The following PPM1A variants were observed in gnomAD, a reference collection of about 807,000 sequenced individuals.
The protein encoded by PPM1A is protein phosphatase 1A.
In PPM1A, 7 loss-of-function variants were observed where a neutral mutation model predicts 35.0. That is an observed-to-expected ratio of 0.20 (90% confidence interval 0.11 to 0.38). The LOEUF is 0.38. Ranked by LOEUF, PPM1A falls within the 10% of genes least tolerant of loss-of-function variation. The pLI is 1.00. For missense variants in PPM1A, 239 were observed against 467.8 expected (o/e 0.51, Z 4.51); for synonymous variants, 153 against 167.3 (o/e 0.91, Z 0.66).
intron 3 of PPM1A, chr14:60,287,693 C>T: frequency 1.0e-6 from 1 of 985,294 alleles, no homozygotes. Flanking sequence ...TCCAGCTCTC[C>T]TTTTCTCTTA....
upstream of PPM1A, among the ~76,000 whole-genome samples, chr14:60,248,410 C>G (rs1218348725): frequency 6.6e-6 from 1 of 152,216 alleles, no homozygotes; most frequent in Non-Finnish European, 1.5e-5. Flanking sequence ...GTGGAATCCC[C>G]TGAACTATAG....
At chr14:60,255,361 C>T (rs942529623) in intron 1 of PPM1A, among the ~76,000 whole-genome samples, 31 of 151,230 alleles carry the variant, frequency 2.0e-4, no homozygotes, top group South Asian at 1.9e-3. Context: ...TTAGTAGAGA[C>T]GGGGTTTCAC....
rs1888259140 is a variant in PPM1A, at chr14:60,298,885, A to ATATTTTG, written c.*6408_*6414dup. On this transcript the variant is annotated 3_prime_UTR_variant, in exon 6 of 6. Transcript: ENST00000395076. ...ACTTTTAAAGAAATTCCATAAATGT[A>ATATTTTG]TATTTTGTATTATGTATTATTTCCT... The ATATTTTG allele has an allele frequency of 6.6e-6, 1 of 151,888 alleles. No homozygotes were observed. The highest frequency in any genetic ancestry group is 1.5e-5 in the Non-Finnish European group (1 of 67,792). 9.4% of individuals were successfully genotyped at this position (151,888 alleles called of 1,614,324 possible).
Position 60,283,171 on chromosome 14 carries a change from A to G in PPM1A, c.468A>G (p.Lys156=), listed in dbSNP as rs1243017036. The change falls in exon 2 of 6, where the codon AAA becomes AAG. Residue 156 remains lysine, a synonymous_variant. Transcript: ENST00000395076. The surrounding 1 kb of genome is among the most constrained non-coding windows in gnomAD (Gnocchi z 6.3). The part of the protein sequence containing the change: ...DSRGLLCRNR[K]VHFFTQDHKP... ...GAGGTTTACTTTGTAGGAACAGGAA[A>G]GTTCATTTCTTCACACAAGATCACA... is the stretch of plus-strand genomic sequence containing the variant. 6.2e-7 allele frequency: 1 copy of G among 1,614,134 alleles called. No individual in the cohort carries two copies. The highest frequency in any genetic ancestry group is 1.3e-5 in the African/African-American group (1 of 74,938).
Position 60,283,492 on chromosome 14 carries a change from C to A in PPM1A, c.789C>A (p.Asp263Glu). Residue 263 changes from aspartate (D) to glutamate (E), a missense_variant, in exon 2 of 6, where the codon GAC becomes GAA. Coordinates refer to ENST00000395076, the MANE Select transcript of PPM1A (RefSeq NM_021003.5). This position sits in a 1 kb window ranked among gnomAD's most constrained non-coding sequence, Gnocchi z 6.3. ...GATCCAGACTTGAAGTCACTGATGACCTTGAGAAAGTTTGCAATGAAGTAG... is the reference window on the plus strand; with the variant it reads ...GATCCAGACTTGAAGTCACTGATGAACTTGAGAAAGTTTGCAATGAAGTAG... The part of the protein sequence containing the change: ...FVRSRLEVTD[D>E]LEKVCNEVVD... The A allele has an allele frequency of 6.2e-7, 1 of 1,613,554 alleles. No homozygotes were observed. The highest frequency in any genetic ancestry group is 8.5e-7 in the Non-Finnish European group (1 of 1,179,926).
chr14:60,282,550 C>A lies in PPM1A; in HGVS notation c.-20-134C>A. 1 of 1,141,648 alleles carries A rather than the reference C, an allele frequency of 8.8e-7. No homozygotes were observed. Among genetic ancestry groups the A allele is most frequent in the Non-Finnish European group, 1.2e-6 (1 of 821,188 alleles). 70.7% of individuals were successfully genotyped at this position (1,141,648 alleles called of 1,614,324 possible). Reference sequence around the variant, plus strand: ...CCTTGTTAATCTCCAGATTCCAAGTCAGCAACACAATGAATGTCTGCTTAT... The same window carrying A: ...CCTTGTTAATCTCCAGATTCCAAGTAAGCAACACAATGAATGTCTGCTTAT... On this transcript the variant is annotated intron_variant, in intron 1 of 5. Transcript: ENST00000395076. This position sits in a 1 kb window ranked among gnomAD's most constrained non-coding sequence, Gnocchi z 5.1.
At chr14:60,287,308 T>C (rs892725685) in intron 3 of PPM1A, 6 of 983,838 alleles carry the variant, frequency 6.1e-6, no homozygotes, top group Non-Finnish European at 7.2e-6. Context: ...AGAGTTTACA[T>C]TGATACTCAA....
chr14:60,249,609 A>AC lies in PPM1A; in HGVS notation c.-84dup, dbSNP rs1882079347. ...GGCTGCCGCCGTCGCCGCCGCGGTG[A>AC]CCCCCTCCCCGGCTGCCGCCGCCGC... On this transcript the variant is annotated 5_prime_UTR_variant, in exon 1 of 6. Coordinates refer to ENST00000395076, the MANE Select transcript of PPM1A (RefSeq NM_021003.5). This position sits in a 1 kb window ranked among gnomAD's most constrained non-coding sequence, Gnocchi z 4.5. 1.0e-6 allele frequency: 1 copy of AC among 982,806 alleles called. No individual in the cohort carries two copies. The highest frequency in any genetic ancestry group is 1.2e-6 in the Non-Finnish European group (1 of 830,422). 60.9% of individuals were successfully genotyped at this position (982,806 alleles called of 1,614,324 possible).
At position 60,277,127 on chromosome 14, in the gene PPM1A, A is replaced by G. The variant is rs191204562; in HGVS notation, c.-20-5557A>G. The G allele has an allele frequency of 1.5e-3, 1,326 of 903,764 alleles. 3 individuals carry two copies. The highest frequency in any genetic ancestry group is 1.8e-3 in the Non-Finnish European group (1,261 of 699,134). 56.0% of individuals were successfully genotyped at this position (903,764 alleles called of 1,614,324 possible). ...AAATTTCTCTCAGAAACTAACTAAA[A>G]ACTTTCATGGACAAATTGAATCCCC... On this transcript the variant is annotated intron_variant, in intron 1 of 5. Coordinates refer to ENST00000395076, the MANE Select transcript of PPM1A (RefSeq NM_021003.5).
At chr14:60,272,449 G>C (rs1337940152) in intron 1 of PPM1A, among the ~76,000 whole-genome samples, 1 of 152,172 alleles carries the variant, frequency 6.6e-6, no homozygotes, top group Non-Finnish European at 1.5e-5. Context: ...GCTCATGCCT[G>C]TAATTTCAGC....
intron 1 of PPM1A, among the ~76,000 whole-genome samples, chr14:60,278,081 A>G (rs550683950): frequency 7.2e-5 from 11 of 152,192 alleles, no homozygotes; most frequent in Non-Finnish European, 1.5e-4. Flanking sequence ...GTTAATACAT[A>G]TACAAAACTT....
At position 60,298,736 on chromosome 14, in the gene PPM1A, ATATT is replaced by A. The variant is rs565619606; in HGVS notation, c.*6255_*6258del. 2 of 151,846 alleles carry A rather than the reference ATATT, an allele frequency of 1.3e-5. No homozygotes were observed. Among genetic ancestry groups the A allele is most frequent in the African/African-American group, 4.8e-5 (2 of 41,428 alleles). The allele number at this position is 151,846 out of a possible 1,614,324, so 9.4% of individuals were successfully genotyped here. A position where few individuals can be genotyped will look rare whatever the true frequency, so the allele number is the denominator to read the frequency against. On this transcript the variant is annotated 3_prime_UTR_variant, in exon 6 of 6. Transcript: ENST00000395076. ...ACATGTTAAAAGCATGTTGCATTAT[ATATT>A]CATTTTTTAAACTCTATAAATGTTA... is the stretch of plus-strand genomic sequence containing the variant.
chr14:60,288,441 T>G (rs2139576265), intron 3 of PPM1A: 1 of 984,484 alleles, frequency 1.0e-6, no homozygotes, highest in Non-Finnish European at 1.2e-6. Context: ...TTGTGCAGTT[T>G]AGGTAAACAT....
intron 1 of PPM1A, among the ~76,000 whole-genome samples, chr14:60,280,080 C>T (rs545343560): frequency 2.6e-5 from 4 of 152,236 alleles, no homozygotes; most frequent in Admixed American, 1.3e-4. Flanking sequence ...CAGCTTGGCT[C>T]AGTGCAACCT....
intron 3 of PPM1A, chr14:60,288,164 C>G: frequency 3.0e-6 from 3 of 985,050 alleles, no homozygotes; most frequent in Non-Finnish European, 3.6e-6. Context: ...GAGATATTAA[C>G]TGTTTTTAAA....
At position 60,294,000 on chromosome 14, in the gene PPM1A, T is replaced by G. The variant is rs1951118; in HGVS notation, c.*1518T>G. On this transcript the variant is annotated 3_prime_UTR_variant, in exon 6 of 6. Coordinates refer to ENST00000395076, the MANE Select transcript of PPM1A (RefSeq NM_021003.5). This position sits in a 1 kb window ranked among gnomAD's most constrained non-coding sequence, Gnocchi z 4.0. ...TATTTATCACCATGTAATCATTCAG[T>G]AGGCAGATTCCCACTAGAAAACTGT... is the stretch of plus-strand genomic sequence containing the variant. 1 of 151,916 alleles carries G rather than the reference T, an allele frequency of 6.6e-6. No individual in the cohort carries two copies. Among genetic ancestry groups the G allele is most frequent in the African/African-American group, 2.4e-5 (1 of 41,412 alleles). The allele number at this position is 151,916 out of a possible 1,614,324, so 9.4% of individuals were successfully genotyped here.
chr14:60,278,155 A>C (rs1318292402), intron 1 of PPM1A, among the ~76,000 whole-genome samples: 1 of 152,178 alleles, frequency 6.6e-6, no homozygotes, highest in East Asian at 1.9e-4. Context: ...TAAGCCTGTG[A>C]CTACCTGTTA....
At chr14:60,258,173 G>C (rs1387889934) in intron 1 of PPM1A, among the ~76,000 whole-genome samples, 1 of 152,072 alleles carries the variant, frequency 6.6e-6, no homozygotes, top group African/African-American at 2.4e-5. Context: ...GCTACAGTCA[G>C]TAAAATAAGT....
chr14:60,266,155 A>G (rs1884355714), intron 1 of PPM1A, among the ~76,000 whole-genome samples: 1 of 152,112 alleles, frequency 6.6e-6, no homozygotes, highest in African/African-American at 2.4e-5. Flanking sequence ...ATTGCTCCAT[A>G]TATTTATTAC....
Sources: allele counts gnomAD v4.1 joint callset (sites outside exome capture counted in the v4.1 genomes callset), GRCh38; gene constraint gnomAD v4.1.1; non-coding constraint Gnocchi (gnomAD v3.1); transcripts MANE v1.5; gene names NCBI Gene and HGNC (gene_info 2026-07-23, HGNC 2026-07-21).